Variants in MIS18A observed in about 807,000 individuals in gnomAD.
MIS18A encodes MIS18 kinetochore protein A.
Under a neutral mutation model 25.0 loss-of-function variants are expected in MIS18A, and 14 were observed. The observed-to-expected ratio is 0.56, with a 90% confidence interval of 0.37 to 0.88. The LOEUF (loss-of-function observed/expected upper bound fraction) is 0.88, where lower values mean the gene tolerates loss of function less well. MIS18A is among the 40% of genes least tolerant of loss of function. MIS18A has a pLI of 0.00. For synonymous variants in MIS18A, 134 were observed against 118.6 expected, an observed-to-expected ratio of 1.13 and a Z score of -0.84; for missense variants, 292 against 290.8, an observed-to-expected ratio of 1.00 and a Z score of -0.03.
At chr21:32,227,049 T>C in the MIS18A span, among the ~76,000 whole-genome samples, 1 of 151,938 alleles carries the variant, frequency 6.6e-6, no homozygotes, top group South Asian at 2.1e-4. Flanking sequence ...ACACAACATA[T>C]CTATGGGATG....
chr21:32,164,188 G>A, the MIS18A span, among the ~76,000 whole-genome samples: 28 of 152,188 alleles, frequency 1.8e-4, no homozygotes, highest in African/African-American at 6.5e-4. Context: ...TGGTGAGGCC[G>A]AGCAAACCAT....
At chr21:32,219,893 G>A in the MIS18A span, among the ~76,000 whole-genome samples, 37 of 152,248 alleles carry the variant, frequency 2.4e-4, no homozygotes, top group South Asian at 6.2e-3. Flanking sequence ...ACCACAGCAC[G>A]GCAAAACCAC....
chr21:32,200,510 T>C, the MIS18A span, among the ~76,000 whole-genome samples: 1 of 151,690 alleles, frequency 6.6e-6, no homozygotes, highest in Admixed American at 6.6e-5. Flanking sequence ...CTTGGCTCAC[T>C]GCAAGCTCCA....
the MIS18A span, among the ~76,000 whole-genome samples, chr21:32,187,284 T>C: frequency 1.3e-5 from 2 of 152,202 alleles, no homozygotes; most frequent in Admixed American, 1.3e-4. Flanking sequence ...TCCTGTAGCT[T>C]GAACTTAGGA....
the MIS18A span, among the ~76,000 whole-genome samples, chr21:32,182,744 G>A: frequency 1.3e-5 from 2 of 152,186 alleles, no homozygotes; most frequent in Non-Finnish European, 2.9e-5. Context: ...ACAGTGTGAA[G>A]CTGGGTGGGG....
the MIS18A span, among the ~76,000 whole-genome samples, chr21:32,258,989 T>G: frequency 1.3e-5 from 2 of 151,396 alleles, no homozygotes; most frequent in Non-Finnish European, 2.9e-5. Context: ...TCCTCTCACT[T>G]CAGCCTCCAG....
chr21:32,251,189 C>A, the MIS18A span, among the ~76,000 whole-genome samples: 1 of 152,276 alleles, frequency 6.6e-6, no homozygotes, highest in South Asian at 2.1e-4. Flanking sequence ...TTGGGCAGTT[C>A]TTTATAGCAG....
chr21:32,198,426 G>T, the MIS18A span, among the ~76,000 whole-genome samples: 7 of 152,352 alleles, frequency 4.6e-5, no homozygotes, highest in Admixed American at 1.3e-4. Flanking sequence ...ATGAGAATAA[G>T]AATTTACCAG....
chr21:32,236,170 C>A, the MIS18A span, among the ~76,000 whole-genome samples: 7 of 151,340 alleles, frequency 4.6e-5, no homozygotes, highest in African/African-American at 1.5e-4. Context: ...ATCAGGAGAT[C>A]GAGACCATCC....
At chr21:32,278,080 C>T (rs2031849254) in intron 1 of MIS18A, 1 of 152,252 alleles carries the variant, frequency 6.6e-6, no homozygotes, top group African/African-American at 2.4e-5. Context: ...AGTGGAACAA[C>T]AGAGGTAAGA....
At chr21:32,250,769 G>T in the MIS18A span, among the ~76,000 whole-genome samples, 3 of 152,204 alleles carry the variant, frequency 2.0e-5, no homozygotes, top group East Asian at 5.8e-4. Context: ...AAGCCCAATA[G>T]AATCGTGAGC....
chr21:32,227,686 C>A, the MIS18A span, among the ~76,000 whole-genome samples: 6 of 152,152 alleles, frequency 3.9e-5, no homozygotes, highest in Non-Finnish European at 4.4e-5. Context: ...AGAGGGAGAA[C>A]GTTTCCCAAC....
intron 3 of MIS18A, 23 bp from the exon 4 acceptor site, chr21:32,269,826 A>C (rs201488578): frequency 1.4e-6 from 2 of 1,413,212 alleles, no homozygotes; most frequent in East Asian, 4.6e-5. Flanking sequence ...ACAAGGTTAA[A>C]ATACAAGCTG....
At chr21:32,249,139 C>T in the MIS18A span, among the ~76,000 whole-genome samples, 1 of 152,228 alleles carries the variant, frequency 6.6e-6, no homozygotes, top group East Asian at 1.9e-4. Flanking sequence ...TGATCTGGCC[C>T]TGCCATCTTG....
At chr21:32,213,126 T>TA in the MIS18A span, among the ~76,000 whole-genome samples, 1 of 152,146 alleles carries the variant, frequency 6.6e-6, no homozygotes, top group Admixed American at 6.5e-5. Context: ...AACCAAATTT[T>TA]AAAAAAATGC....
At chr21:32,273,513 C>T (rs1193657044) in intron 2 of MIS18A, among the ~76,000 whole-genome samples, 1 of 152,154 alleles carries the variant, frequency 6.6e-6, no homozygotes, top group Admixed American at 6.5e-5. Flanking sequence ...AGAAGCTCTT[C>T]TGTCAGAACT....
At chr21:32,191,005 A>C in the MIS18A span, among the ~76,000 whole-genome samples, 16 of 152,220 alleles carry the variant, frequency 1.1e-4, no homozygotes, top group Non-Finnish European at 2.1e-4. Context: ...AAAGATGTGC[A>C]GAAAGAAGGA....
At chr21:32,207,895 G>T in the MIS18A span, among the ~76,000 whole-genome samples, 4 of 152,186 alleles carry the variant, frequency 2.6e-5, no homozygotes, top group African/African-American at 9.6e-5. Context: ...CAATGGCATA[G>T]GGGCCTATGC....
intron 2 of MIS18A, among the ~76,000 whole-genome samples, chr21:32,273,284 A>T (rs117746863): frequency 2.6e-4 from 40 of 152,150 alleles, no homozygotes; most frequent in Non-Finnish European, 5.3e-4. Flanking sequence ...TTTATAACAC[A>T]GGCATGATTA....
Sources: gnomAD v4.1 joint callset for allele counts (sites outside exome capture counted in the v4.1 genomes callset) on GRCh38, gnomAD v4.1.1 for gene constraint, MANE v1.5 for transcripts, NCBI Gene and HGNC (gene_info 2026-07-23, HGNC 2026-07-21) for gene names.